METTL16: variants seen among roughly 807,000 people sequenced by gnomAD.
METTL16 encodes methyltransferase 16, RNA N6-adenosine.
METTL16 carries 19 observed loss-of-function variants against 57.9 expected under a neutral mutation model. The observed-to-expected ratio is 0.33, with a 90% confidence interval of 0.23 to 0.48. The LOEUF (loss-of-function observed/expected upper bound fraction) is 0.48, where lower values mean the gene tolerates loss of function less well. Among genes scored for constraint, METTL16 ranks in the 20% least tolerant of loss-of-function variants. The probability of loss-of-function intolerance (pLI) is 0.99; values close to 1 mark genes in which losing one functional copy is unlikely to be tolerated. For missense variants in METTL16, 434 were observed against 691.5 expected (o/e 0.63, Z 4.18); for synonymous variants, 246 against 255.6 (o/e 0.96, Z 0.36).
chr17:2,474,035 C>A (rs1425425064), intron 3 of METTL16, among the ~76,000 whole-genome samples: 1 of 152,104 alleles, frequency 6.6e-6, no homozygotes, highest in Non-Finnish European at 1.5e-5. Context: ...CTAATTAGAT[C>A]CAACTTCCTA....
chr17:2,482,250 T>G (rs1184337248), intron 2 of METTL16, among the ~76,000 whole-genome samples: 1 of 152,146 alleles, frequency 6.6e-6, no homozygotes, highest in African/African-American at 2.4e-5. Flanking sequence ...CGTAACAAAA[T>G]CAATTTTTTT....
chr17:2,428,597 A>G (rs2066843254), intron 8 of METTL16, among the ~76,000 whole-genome samples: 1 of 49,840 alleles, frequency 2.0e-5, no homozygotes, highest in Non-Finnish European at 3.3e-5. Flanking sequence ...ATATATATAT[A>G]TATATAAATT....
intron 5 of METTL16, among the ~76,000 whole-genome samples, chr17:2,467,135 T>A (rs1429265119): frequency 6.6e-6 from 1 of 152,068 alleles, no homozygotes; most frequent in Non-Finnish European, 1.5e-5. Flanking sequence ...GCTGGCTGAA[T>A]CCACGATGCG....
At chr17:2,430,610 G>A (rs938329835) in intron 8 of METTL16, among the ~76,000 whole-genome samples, 29 of 151,736 alleles carry the variant, frequency 1.9e-4, no homozygotes, top group African/African-American at 7.0e-4. Context: ...AGTAGAGACG[G>A]GGTTTCACTG....
At chr17:2,487,960 G>A (rs546478581) in intron 2 of METTL16, among the ~76,000 whole-genome samples, 4 of 151,728 alleles carry the variant, frequency 2.6e-5, no homozygotes, top group African/African-American at 9.7e-5. Flanking sequence ...AGCTGTGATC[G>A]CATCACTGTA....
intron 2 of METTL16, among the ~76,000 whole-genome samples, chr17:2,497,488 C>T (rs113032716): frequency 0.027 from 4,132 of 150,702 alleles, 189 homozygotes; most frequent in African/African-American, 0.07. Flanking sequence ...CATTTTTGTA[C>T]TTTTAGCAGA....
At chr17:2,490,081 A>T (rs2067375140) in intron 2 of METTL16, among the ~76,000 whole-genome samples, 2 of 152,236 alleles carry the variant, frequency 1.3e-5, no homozygotes, top group Non-Finnish European at 2.9e-5. Flanking sequence ...ATTCTTGTAA[A>T]AACAAAACAA....
chr17:2,424,633 T>C (rs1257704457), intron 8 of METTL16, among the ~76,000 whole-genome samples: 1 of 152,026 alleles, frequency 6.6e-6, no homozygotes, highest in Non-Finnish European at 1.5e-5. Flanking sequence ...TTGGCTTTGC[T>C]CTACTATAGA....
chr17:2,482,728 G>A (rs567164372), intron 2 of METTL16, among the ~76,000 whole-genome samples: 5 of 152,264 alleles, frequency 3.3e-5, no homozygotes, highest in South Asian at 2.1e-4. Context: ...GCAACATGGC[G>A]AAAGCCCGTC....
chr17:2,448,425 T>C (rs2067032833), intron 6 of METTL16, among the ~76,000 whole-genome samples: 1 of 38,554 alleles, frequency 2.6e-5, no homozygotes, highest in Non-Finnish European at 4.7e-5. Context: ...CTTGGGATCC[T>C]GTTGATCTGT....
At chr17:2,486,690 AGGCTGGGTGTGGT>A (rs999720171) in intron 2 of METTL16, among the ~76,000 whole-genome samples, 38 of 151,670 alleles carry the variant, frequency 2.5e-4, no homozygotes, top group African/African-American at 8.2e-4. Flanking sequence ...GGCTAGATAA[AGGCTGGGTGTGGT>A]GGCTCACAAC....
intron 1 of METTL16, among the ~76,000 whole-genome samples, chr17:2,505,789 T>G (rs1452890234): frequency 6.6e-6 from 1 of 152,068 alleles, no homozygotes; most frequent in East Asian, 1.9e-4. Context: ...AATCTCAGTA[T>G]GTCCTTCTCC....
chr17:2,443,433 A>T (rs2066968348), intron 6 of METTL16, among the ~76,000 whole-genome samples: 1 of 152,116 alleles, frequency 6.6e-6, no homozygotes, highest in South Asian at 2.1e-4. Flanking sequence ...TAAAGAGGGA[A>T]CACTTCCCCA....
At chr17:2,489,046 G>T (rs1157870072) in intron 2 of METTL16, among the ~76,000 whole-genome samples, 1 of 151,304 alleles carries the variant, frequency 6.6e-6, no homozygotes, top group Non-Finnish European at 1.5e-5. Flanking sequence ...GTTAACCAAA[G>T]AATCCAAAAT....
At chr17:2,483,024 A>T (rs966881411) in intron 2 of METTL16, among the ~76,000 whole-genome samples, 1 of 129,070 alleles carries the variant, frequency 7.7e-6, no homozygotes, top group African/African-American at 3.6e-5. Flanking sequence ...ATATAGTGTT[A>T]AAAAAAAAAA....
In METTL16 at chr17:2,420,126, G is replaced by A. The variant is rs777608326; in HGVS notation, c.1533C>T (p.Ala511=). ...AERGKRLPGV[A]GQYLFKCLIN... ...TCAAACACTTAAACAGGTACTGTCC[G>A]GCCACTCCTGGGAGACGTTTCCCCC... The change falls in exon 10 of 10, where the codon GCC becomes GCT. Residue 511 remains alanine (A), a synonymous_variant. Coordinates refer to ENST00000263092, the MANE Select transcript of METTL16 (RefSeq NM_024086.4). This position sits in a 1 kb window ranked among gnomAD's most constrained non-coding sequence, Gnocchi z 5.4. 51 of 1,614,058 alleles carry A rather than the reference G, an allele frequency of 3.2e-5. No individual in the cohort carries two copies. The Middle Eastern group carries it at 4.9e-4, about 16-fold the overall frequency.
At chr17:2,464,424 AAGTT>A (rs1292750579) in intron 5 of METTL16, 74 bp from the exon 6 acceptor site, 24 of 1,394,660 alleles carry the variant, frequency 1.7e-5, no homozygotes, top group Non-Finnish European at 2.2e-5. Flanking sequence ...ATCTATCTCT[AAGTT>A]AGAATGTTTA....
In METTL16 at chr17:2,425,242, A is replaced by C. The variant is rs547411424; in HGVS notation, c.889-4338T>G. ...CAATTGAAATGATCTTATTTTGCTA[A>C]TATCCTTATAATTGCAAAACACAAA... On this transcript the variant is annotated intron_variant, in intron 8 of 9. Transcript: ENST00000263092. 7.2e-5 allele frequency among the ~76,000 whole-genome samples: 11 copies of C among 152,320 alleles called. 1 individual carries two copies. The highest frequency in any genetic ancestry group is 7.2e-4 in the Admixed American group (11 of 15,296).
At chr17:2,501,956 T>C (rs1051684256) in intron 2 of METTL16, among the ~76,000 whole-genome samples, 3 of 151,958 alleles carry the variant, frequency 2.0e-5, no homozygotes, top group African/African-American at 7.3e-5. Flanking sequence ...GGGATTTCCG[T>C]AGGGTAAGCA....
Sources: gnomAD v4.1 joint callset for allele counts (sites outside exome capture counted in the v4.1 genomes callset) on GRCh38, gnomAD v4.1.1 for gene constraint, Gnocchi (gnomAD v3.1) non-coding constraint, MANE v1.5 for transcripts, NCBI Gene and HGNC (gene_info 2026-07-23, HGNC 2026-07-21) for gene names.